APPBP2: variants seen among roughly 807,000 people sequenced by gnomAD.
APPBP2 encodes the protein amyloid protein-binding protein 2.
A neutral mutation model predicts 76.0 loss-of-function variants in APPBP2; 15 were observed. That is an observed-to-expected ratio of 0.20 (90% CI 0.13 to 0.30). The LOEUF (loss-of-function observed/expected upper bound fraction) is 0.30, where lower values mean the gene tolerates loss of function less well. Ranked by LOEUF, APPBP2 falls within the 10% of genes least tolerant of loss-of-function variation. The probability of loss-of-function intolerance (pLI) is 1.00; values close to 1 mark genes in which losing one functional copy is unlikely to be tolerated. For missense variants in APPBP2, 401 were observed against 687.2 expected, an observed-to-expected ratio of 0.58 and a Z score of 4.66; for synonymous variants, 222 against 242.2, an observed-to-expected ratio of 0.92 and a Z score of 0.77.
rs1350916124 is a variant in APPBP2, at chr17:60,445,603, G to A, written c.*1978C>T. ...TATCTTTGGAGGTATTAAATATATA[G>A]GCCCATGAGGATAGAGCTGAGTAAC... On this transcript the variant is annotated 3_prime_UTR_variant, in exon 13 of 13. Transcript: ENST00000083182. 6.6e-6 allele frequency: 1 copy of A among 152,288 alleles called. No individual in the cohort carries two copies. Among genetic ancestry groups the A allele is most frequent in the Non-Finnish European group, 1.5e-5 (1 of 68,016 alleles). 9.4% of individuals were successfully genotyped at this position (152,288 alleles called of 1,614,324 possible).
chr17:60,472,952 T>C (rs939015932), intron 4 of APPBP2, among the ~76,000 whole-genome samples: 16 of 152,242 alleles, frequency 1.1e-4, no homozygotes, highest in Admixed American at 9.2e-4. Flanking sequence ...TAATGACTTT[T>C]ATCCTGAATT....
At chr17:60,525,742 G>A in intron 1 of APPBP2, 52 bp downstream of exon 1, 1 of 1,609,380 alleles carries the variant, frequency 6.2e-7, no homozygotes. Flanking sequence ...GGAAGGGGGT[G>A]CGGCCCCCGG....
intron 3 of APPBP2, among the ~76,000 whole-genome samples, chr17:60,489,039 A>G (rs1422160465): frequency 6.6e-6 from 1 of 150,780 alleles, no homozygotes; most frequent in African/African-American, 2.4e-5. Flanking sequence ...TGCCCAACAT[A>G]GTGAAACCTC....
At chr17:60,489,479 C>G (rs556401450) in intron 3 of APPBP2, among the ~76,000 whole-genome samples, 3 of 151,630 alleles carry the variant, frequency 2.0e-5, no homozygotes, top group African/African-American at 7.3e-5. Flanking sequence ...AGTGTGGTGG[C>G]GCATGCCTGT....
At chr17:60,476,578 AAT>A (rs2090592777) in intron 4 of APPBP2, among the ~76,000 whole-genome samples, 2 of 152,178 alleles carry the variant, frequency 1.3e-5, no homozygotes. Context: ...AGGTTAGTTG[AAT>A]AGAGGCAAAT....
At chr17:60,496,169 A>G (rs1190038119) in intron 2 of APPBP2, among the ~76,000 whole-genome samples, 1 of 152,210 alleles carries the variant, frequency 6.6e-6, no homozygotes, top group Non-Finnish European at 1.5e-5. Flanking sequence ...GAGGAAATGG[A>G]GTTGACTGTT....
At chr17:60,465,868 C>T (rs1211160029) in intron 5 of APPBP2, among the ~76,000 whole-genome samples, 1 of 152,236 alleles carries the variant, frequency 6.6e-6, no homozygotes, top group Non-Finnish European at 1.5e-5. Context: ...CAGGGTCTCA[C>T]TCTGTCACTC....
In APPBP2 at chr17:60,473,314, C is replaced by T. The variant is rs12602936; in HGVS notation, c.503+5834G>A. On this transcript the variant is annotated intron_variant, in intron 4 of 12. Coordinates refer to ENST00000083182, the MANE Select transcript of APPBP2 (RefSeq NM_006380.5). ...ATAATGTTTAAACTAAATAATGATGCCCTTTCCTACTCTACCCACTAAGAT... is the reference window on the plus strand; with the variant it reads ...ATAATGTTTAAACTAAATAATGATGTCCTTTCCTACTCTACCCACTAAGAT... Among the ~76,000 whole-genome samples the T allele has an allele frequency of 3.5e-4, 54 of 152,282 alleles. 2 individuals are homozygous for T. In the East Asian group the frequency reaches 9.1e-3, roughly 26 times the overall value.
intron 3 of APPBP2, among the ~76,000 whole-genome samples, chr17:60,480,392 CA>C (rs936299003): frequency 1.3e-5 from 2 of 152,068 alleles, no homozygotes; most frequent in African/African-American, 4.8e-5. Context: ...ACAACAACAA[CA>C]AAACTCTGAA....
At chr17:60,452,460 T>C (rs573040957) in intron 11 of APPBP2, among the ~76,000 whole-genome samples, 17 of 152,316 alleles carry the variant, frequency 1.1e-4, no homozygotes, top group African/African-American at 3.8e-4. Context: ...CTCTAGATCA[T>C]AATATGTTAA....
intron 10 of APPBP2, among the ~76,000 whole-genome samples, chr17:60,455,052 T>C (rs963305801): frequency 6.6e-6 from 1 of 152,186 alleles, no homozygotes; most frequent in Non-Finnish European, 1.5e-5. Context: ...GATAATTTGA[T>C]TTATTGGAAA....
intron 1 of APPBP2, among the ~76,000 whole-genome samples, chr17:60,507,242 GAC>G (rs2090875923): frequency 6.8e-6 from 1 of 147,002 alleles, no homozygotes; most frequent in African/African-American, 2.5e-5. Flanking sequence ...TTTTTTTTGA[GAC>G]AGAGTCTCAT....
intron 1 of APPBP2, 61 bp from the exon 2 acceptor site, chr17:60,500,548 C>A: frequency 8.7e-7 from 1 of 1,154,734 alleles, no homozygotes. Flanking sequence ...TTACTTTAAT[C>A]ATATTTGATA....
chr17:60,453,394 G>C (rs1017144711), intron 11 of APPBP2, among the ~76,000 whole-genome samples: 2 of 151,802 alleles, frequency 1.3e-5, no homozygotes, highest in African/African-American at 4.8e-5. Context: ...ATGTTGGCCA[G>C]GCTGGTCTTG....
intron 3 of APPBP2, among the ~76,000 whole-genome samples, chr17:60,484,789 G>C (rs7209302): frequency 0.082 from 12,505 of 152,136 alleles, 1,701 homozygotes; most frequent in African/African-American, 0.28. Flanking sequence ...GAGAAAGACA[G>C]AAAACTGTCT....
At chr17:60,500,550 T>A in intron 1 of APPBP2, 63 bp from the exon 2 acceptor site, 2 of 1,132,436 alleles carry the variant, frequency 1.8e-6, no homozygotes, top group Non-Finnish European at 2.6e-6. Flanking sequence ...ACTTTAATCA[T>A]ATTTGATAAA....
At chr17:60,517,146 T>G (rs1318048490) in intron 1 of APPBP2, among the ~76,000 whole-genome samples, 1 of 152,144 alleles carries the variant, frequency 6.6e-6, no homozygotes, top group African/African-American at 2.4e-5. Context: ...TGGCTAATTT[T>G]TTTTATTTTT....
rs763150321 is a variant in APPBP2 at position 60,447,547 on chromosome 17, C to T, written c.*34G>A. Reference sequence around the variant, plus strand: ...TTCACAGTATGAATTCCCTGGAATCCGGGAAAAGGTAATTGGTTAACTGAG... The same window carrying T: ...TTCACAGTATGAATTCCCTGGAATCTGGGAAAAGGTAATTGGTTAACTGAG... On this transcript the variant is annotated 3_prime_UTR_variant, in exon 13 of 13. Coordinates refer to ENST00000083182, the MANE Select transcript of APPBP2 (RefSeq NM_006380.5). The T allele has an allele frequency of 1.2e-5, 19 of 1,560,736 alleles. No homozygotes were observed. Among genetic ancestry groups the T allele is most frequent in the African/African-American group, 2.7e-5 (2 of 72,738 alleles).
chr17:60,524,526 T>C (rs1022603045), intron 1 of APPBP2, among the ~76,000 whole-genome samples: 1 of 146,270 alleles, frequency 6.8e-6, no homozygotes, highest in Non-Finnish European at 1.5e-5. Flanking sequence ...TCCAAATATT[T>C]AGGGGGGAAA....
Sources: gnomAD v4.1 joint callset for allele counts (sites outside exome capture counted in the v4.1 genomes callset) on GRCh38, gnomAD v4.1.1 for gene constraint, MANE v1.5 for transcripts, NCBI Gene and HGNC (gene_info 2026-07-23, HGNC 2026-07-21) for gene names.